The following CWC27 variants were observed in gnomAD, a reference collection of about 807,000 sequenced individuals.
CWC27 encodes CWC27 spliceosome associated cyclophilin, also known as spliceosome-associated protein CWC27 homolog.
CWC27 carries 47 observed loss-of-function variants against 63.6 expected under a neutral mutation model. The ratio of observed to expected loss-of-function variants is 0.74; its 90% CI spans 0.58 to 0.94. The LOEUF (loss-of-function observed/expected upper bound fraction) is 0.94, where lower values mean the gene tolerates loss of function less well. Among genes scored for constraint, CWC27 ranks in the 40% least tolerant of loss-of-function variants. CWC27 has a pLI of 0.00. For missense variants in CWC27, 495 were observed against 554.3 expected (o/e 0.89, Z 1.07); for synonymous variants, 175 against 179.8 (o/e 0.97, Z 0.22).
rs544603346 is a variant in CWC27 at position 64,993,280 on chromosome 5, C to G, written c.1256+16042C>G. 3.3e-5 allele frequency among the ~76,000 whole-genome samples: 5 copies of G among 152,090 alleles called. No individual in the cohort carries two copies. In the East Asian group the frequency reaches 9.7e-4, roughly 29 times the overall value. On this transcript the variant is annotated intron_variant, in intron 13 of 13. Transcript: ENST00000381070. The stretch of plus-strand genomic sequence containing the variant: ...ACTCAAGCAGCACAAACTAAGCATT[C>G]TAAATTAAATTGTCAAAACATTAGT...
At chr5:64,853,344 G>A (rs1351075321) in intron 10 of CWC27, among the ~76,000 whole-genome samples, 2 of 152,132 alleles carry the variant, frequency 1.3e-5, no homozygotes, top group African/African-American at 4.8e-5. Context: ...TTCAACAGAT[G>A]ACCAAGAATT....
At chr5:65,016,101 G>A (rs1490931612) in intron 13 of CWC27, among the ~76,000 whole-genome samples, 2 of 152,162 alleles carry the variant, frequency 1.3e-5, no homozygotes, top group African/African-American at 4.8e-5. Flanking sequence ...TACCATGGCT[G>A]TCGAACAGTC....
At chr5:64,809,444 TG>T (rs1364018923) in intron 10 of CWC27, among the ~76,000 whole-genome samples, 6 of 152,238 alleles carry the variant, frequency 3.9e-5, no homozygotes, top group Admixed American at 6.5e-5. Flanking sequence ...CTCAGCTCAC[TG>T]CAACCTCTGC....
intron 11 of CWC27, among the ~76,000 whole-genome samples, chr5:64,939,301 G>A (rs138267758): frequency 5.3e-4 from 80 of 152,212 alleles, no homozygotes; most frequent in African/African-American, 1.7e-3. Context: ...TCTTGTCGGC[G>A]TCCTTTTTGT....
At chr5:64,897,235 G>T (rs1747400362) in intron 11 of CWC27, among the ~76,000 whole-genome samples, 2 of 152,194 alleles carry the variant, frequency 1.3e-5, no homozygotes, top group South Asian at 2.1e-4. Context: ...CCATTACTGG[G>T]CATATACCCG....
intron 10 of CWC27, among the ~76,000 whole-genome samples, chr5:64,833,133 C>T (rs1745572820): frequency 6.6e-6 from 1 of 151,698 alleles, no homozygotes; most frequent in South Asian, 2.1e-4. Context: ...GGTAAGCCCA[C>T]GTATTTCCAA....
chr5:64,878,025 G>A (rs558309054), intron 10 of CWC27, among the ~76,000 whole-genome samples: 9 of 152,010 alleles, frequency 5.9e-5, no homozygotes, highest in East Asian at 1.9e-4. Flanking sequence ...AATGATCTGC[G>A]TGGTATAACT....
At chr5:64,813,391 A>G (rs1036273765) in intron 10 of CWC27, among the ~76,000 whole-genome samples, 1 of 152,188 alleles carries the variant, frequency 6.6e-6, no homozygotes, top group African/African-American at 2.4e-5. Flanking sequence ...AAAACAAACA[A>G]ACAAAAAAAA....
intron 11 of CWC27, among the ~76,000 whole-genome samples, chr5:64,900,726 A>G (rs1056590222): frequency 3.1e-4 from 47 of 152,140 alleles, no homozygotes; most frequent in Admixed American, 2.9e-3. Context: ...CTTAATGTTT[A>G]TATATACAGT....
chr5:64,918,955 T>C (rs1460552491), intron 11 of CWC27, among the ~76,000 whole-genome samples: 1 of 152,186 alleles, frequency 6.6e-6, no homozygotes, highest in South Asian at 2.1e-4. Context: ...TGAAAATGAA[T>C]GGTGTTATAT....
intron 5 of CWC27, among the ~76,000 whole-genome samples, chr5:64,785,946 T>C (rs1461899458): frequency 6.6e-6 from 1 of 151,916 alleles, no homozygotes; most frequent in Non-Finnish European, 1.5e-5. Flanking sequence ...GGGTGGATCA[T>C]GAGGTCAGGA....
intron 13 of CWC27, among the ~76,000 whole-genome samples, chr5:64,996,095 A>G (rs371073125): frequency 6.6e-6 from 1 of 152,214 alleles, no homozygotes; most frequent in African/African-American, 2.4e-5. Flanking sequence ...GTATGGGCAT[A>G]TAAATGTTTT....
At chr5:64,814,837 A>G (rs1744982585) in intron 10 of CWC27, among the ~76,000 whole-genome samples, 1 of 152,190 alleles carries the variant, frequency 6.6e-6, no homozygotes, top group South Asian at 2.1e-4. Flanking sequence ...GAATTAGATT[A>G]TTACACTAGT....
At chr5:64,961,841 T>C (rs947860086) in intron 11 of CWC27, among the ~76,000 whole-genome samples, 1 of 152,192 alleles carries the variant, frequency 6.6e-6, no homozygotes, top group African/African-American at 2.4e-5. Flanking sequence ...TCATAGATAA[T>C]CAAAACACCC....
chr5:64,774,934 C>T lies in CWC27; in HGVS notation c.139+147C>T, dbSNP rs377209646. 3.2e-4 allele frequency: 156 copies of T among 480,804 alleles called. 1 individual carries two copies. The South Asian group carries it at 5.4e-3, about 17-fold the overall frequency. The allele number at this position is 480,804 out of a possible 1,614,324, so 29.8% of individuals were successfully genotyped here. On this transcript the variant is annotated intron_variant, in intron 2 of 13. Coordinates refer to ENST00000381070, the MANE Select transcript of CWC27 (RefSeq NM_005869.4). ...AGGATATGGTATTGAGCTGGGTGTC[C>T]GGAAGTAGAGATAAGAGATAAATGT... is the stretch of plus-strand genomic sequence containing the variant.
chr5:64,789,616 G>A (rs1744005685), intron 7 of CWC27, among the ~76,000 whole-genome samples: 1 of 151,986 alleles, frequency 6.6e-6, no homozygotes, highest in African/African-American at 2.4e-5. Context: ...TTTTTATTCT[G>A]CTAGTCCTTC....
At chr5:64,933,205 G>A (rs1027729817) in intron 11 of CWC27, among the ~76,000 whole-genome samples, 1 of 152,128 alleles carries the variant, frequency 6.6e-6, no homozygotes, top group Non-Finnish European at 1.5e-5. Context: ...TGCTGCTCTA[G>A]TTGATCTGTA....
intron 13 of CWC27, among the ~76,000 whole-genome samples, chr5:65,015,141 G>C (rs1382945532): frequency 1.3e-5 from 2 of 152,078 alleles, no homozygotes; most frequent in East Asian, 1.9e-4. Flanking sequence ...CATGTGTCTA[G>C]AGTTCATTTT....
chr5:64,832,100 C>G (rs1745538027), intron 10 of CWC27, among the ~76,000 whole-genome samples: 1 of 151,792 alleles, frequency 6.6e-6, no homozygotes, highest in African/African-American at 2.4e-5. Flanking sequence ...TAAATAAACC[C>G]TTCCTAGTCT....
Sources: gnomAD v4.1 joint callset for allele counts (sites outside exome capture counted in the v4.1 genomes callset) on GRCh38, gnomAD v4.1.1 for gene constraint, MANE v1.5 for transcripts, NCBI Gene and HGNC (gene_info 2026-07-23, HGNC 2026-07-21) for gene names.